The following GRIA2 variants were observed in gnomAD, a reference collection of about 807,000 sequenced individuals.
The protein encoded by GRIA2 is glutamate receptor 2.
In GRIA2, 14 loss-of-function variants were observed where a neutral mutation model predicts 97.3. That is an observed-to-expected ratio of 0.14 (90% CI 0.10 to 0.23). The LOEUF is 0.23. Among genes scored for constraint, GRIA2 ranks in the 10% least tolerant of loss-of-function variants. The probability of loss-of-function intolerance (pLI) is 1.00; values close to 1 mark genes in which losing one functional copy is unlikely to be tolerated. For synonymous variants in GRIA2, 412 were observed against 387.8 expected (o/e 1.06, Z -0.73); for missense variants, 558 against 1,069.8 (o/e 0.52, Z 6.67).
At chr4:157,324,929 C>T (rs1277548774) in intron 6 of GRIA2, among the ~76,000 whole-genome samples, 1 of 152,022 alleles carries the variant, frequency 6.6e-6, no homozygotes, top group Non-Finnish European at 1.5e-5. Context: ...GAGGTTATGT[C>T]CTTTGATGTT....
chr4:157,228,488 G>A (rs539031534), intron 2 of GRIA2, among the ~76,000 whole-genome samples: 1 of 152,226 alleles, frequency 6.6e-6, no homozygotes, highest in East Asian at 1.9e-4. Context: ...CTAACTGTTA[G>A]GATGATGCAA....
intron 2 of GRIA2, among the ~76,000 whole-genome samples, chr4:157,296,543 T>G (rs1733357182): frequency 6.6e-6 from 1 of 152,270 alleles, no homozygotes; most frequent in East Asian, 1.9e-4. Context: ...CCAGTACATC[T>G]CTATATATTA....
Position 157,359,972 on chromosome 4 carries a change from C to G in GRIA2, c.2120C>G (p.Thr707Arg). 1 of 1,613,730 alleles carries G rather than the reference C, an allele frequency of 6.2e-7. No individual in the cohort carries two copies. Among genetic ancestry groups the G allele is most frequent in the Non-Finnish European group, 8.5e-7 (1 of 1,179,816 alleles). ...GAGCCCTCTGTGTTTGTGAGGACTA[C>G]GGCCGAAGGGGTGGCTAGAGTGCGG... ...SAEPSVFVRTTAEGVARVRKS... is the reference protein window; with the variant it reads ...SAEPSVFVRTRAEGVARVRKS... Residue 707 changes from threonine to arginine, a missense_variant, in exon 13 of 16, where the codon ACG becomes AGG. By Grantham distance (71) the Thr-to-Arg change is moderately conservative. Around this residue, in one of 8 missense-constraint regions of GRIA2, gnomAD observed 125 missense variants for 310.2 expected, o/e 0.40. Transcript: ENST00000264426.
intron 2 of GRIA2, among the ~76,000 whole-genome samples, chr4:157,237,289 G>GT (rs541148827): frequency 4.0e-3 from 568 of 142,326 alleles, no homozygotes; most frequent in Admixed American, 4.8e-3. Context: ...AAATGTATAA[G>GT]TTTTTTTTTT....
intron 11 of GRIA2, among the ~76,000 whole-genome samples, chr4:157,337,423 T>C (rs539950750): frequency 6.6e-6 from 1 of 152,140 alleles, no homozygotes; most frequent in East Asian, 2.0e-4. Flanking sequence ...TACCTAATTA[T>C]AATGAATCTA....
At chr4:157,263,539 G>A (rs1370398019) in intron 2 of GRIA2, among the ~76,000 whole-genome samples, 1 of 151,946 alleles carries the variant, frequency 6.6e-6, no homozygotes, top group Non-Finnish European at 1.5e-5. Flanking sequence ...AGAAAATATG[G>A]TCGACCAGGT....
At chr4:157,314,667 T>A (rs1435359123) in intron 4 of GRIA2, among the ~76,000 whole-genome samples, 1 of 152,168 alleles carries the variant, frequency 6.6e-6, no homozygotes, top group Non-Finnish European at 1.5e-5. Context: ...AAAAATATAT[T>A]TTTCCAAAAT....
chr4:157,292,365 T>C (rs1733145011), intron 2 of GRIA2, among the ~76,000 whole-genome samples: 1 of 151,982 alleles, frequency 6.6e-6, no homozygotes. Context: ...ATAAGTTAGG[T>C]TTTTACTATT....
intron 12 of GRIA2, among the ~76,000 whole-genome samples, chr4:157,350,944 T>A (rs1672143389): frequency 1.3e-5 from 2 of 150,794 alleles, no homozygotes; most frequent in South Asian, 4.2e-4. Flanking sequence ...TTTTTTTTTT[T>A]TTTTGCTCAT....
rs756289341 is a variant in GRIA2 at position 157,333,384 on chromosome 4, A to G, written c.1155+31A>G. 7.6e-6 allele frequency: 9 copies of G among 1,183,888 alleles called. No individual in the cohort carries two copies. The Admixed American group carries it at 1.0e-4, about 14-fold the overall frequency. The allele number at this position is 1,183,888 out of a possible 1,614,324, so 73.3% of individuals were successfully genotyped here. ...TCCTTAGTGATTTAAAGGCAGTTCT[A>G]TGTGAGGAGGTGAGTTAGCTAGCCT... On this transcript the variant is annotated intron_variant, in intron 8 of 15. Transcript: ENST00000264426.
At chr4:157,318,828 AG>A (rs940571954) in intron 5 of GRIA2, among the ~76,000 whole-genome samples, 3 of 152,212 alleles carry the variant, frequency 2.0e-5, no homozygotes, top group Non-Finnish European at 2.9e-5. Flanking sequence ...ATAGCATAAT[AG>A]GACTTTGAAA....
At chr4:157,351,681 G>C (rs182656634) in intron 12 of GRIA2, among the ~76,000 whole-genome samples, 2 of 152,314 alleles carry the variant, frequency 1.3e-5, no homozygotes, top group East Asian at 3.9e-4. Flanking sequence ...TCAAGGAAGA[G>C]ACCAAGTGGA....
intron 2 of GRIA2, among the ~76,000 whole-genome samples, chr4:157,273,810 A>C (rs1732148668): frequency 1.3e-5 from 2 of 152,112 alleles, no homozygotes. Flanking sequence ...GAACAGAACT[A>C]ATAATGACTG....
At chr4:157,355,265 C>T (rs1165107581) in intron 12 of GRIA2, among the ~76,000 whole-genome samples, 2 of 152,030 alleles carry the variant, frequency 1.3e-5, no homozygotes, top group Non-Finnish European at 2.9e-5. Context: ...CAGTGGCTCA[C>T]GCCTGTAATC....
intron 12 of GRIA2, among the ~76,000 whole-genome samples, chr4:157,349,124 A>AT (rs1010443242): frequency 4.6e-5 from 7 of 152,200 alleles, no homozygotes; most frequent in African/African-American, 1.7e-4. Flanking sequence ...TCAAACATTT[A>AT]TTTCAGGATA....
intron 2 of GRIA2, among the ~76,000 whole-genome samples, chr4:157,248,867 A>G (rs1386275538): frequency 1.3e-5 from 2 of 149,090 alleles, no homozygotes; most frequent in East Asian, 4.0e-4. Context: ...AGACAGGGTC[A>G]CTCTCTGTCA....
chr4:157,247,346 A>G (rs1336510709), intron 2 of GRIA2, among the ~76,000 whole-genome samples: 1 of 152,198 alleles, frequency 6.6e-6, no homozygotes. Flanking sequence ...GTGCAGGATC[A>G]TTGTGATTGA....
At chr4:157,256,642 T>G (rs1731288020) in intron 2 of GRIA2, among the ~76,000 whole-genome samples, 1 of 151,932 alleles carries the variant, frequency 6.6e-6, no homozygotes, top group African/African-American at 2.4e-5. Flanking sequence ...TTAAGAGAAT[T>G]AATTTCTTAT....
chr4:157,243,754 T>C (rs1040942604), intron 2 of GRIA2, among the ~76,000 whole-genome samples: 3 of 152,056 alleles, frequency 2.0e-5, no homozygotes, highest in Non-Finnish European at 4.4e-5. Flanking sequence ...ATTGGCACAA[T>C]ATTTGGCTGT....
Sources: gnomAD v4.1 joint callset for allele counts (sites outside exome capture counted in the v4.1 genomes callset) on GRCh38, gnomAD v4.1.1 for gene constraint, gnomAD v4.1.1 regional missense constraint, MANE v1.5 for transcripts, NCBI Gene and HGNC (gene_info 2026-07-23, HGNC 2026-07-21) for gene names.